Variants in CADPS observed in about 807,000 individuals in gnomAD.
CADPS encodes calcium-dependent secretion activator 1.
A neutral mutation model predicts 167.3 loss-of-function variants in CADPS; 57 were observed. The ratio of observed to expected loss-of-function variants is 0.34; its 90% confidence interval spans 0.28 to 0.42. The LOEUF (loss-of-function observed/expected upper bound fraction) is 0.42, where lower values mean the gene tolerates loss of function less well. Among genes scored for constraint, CADPS ranks in the 20% least tolerant of loss-of-function variants. The pLI is 1.00. For synonymous variants in CADPS, 676 were observed against 635.3 expected (o/e 1.06, Z -0.96); for missense variants, 1,414 against 1,738.1 (o/e 0.81, Z 3.32).
chr3:62,494,690 G>A (rs1467102035), intron 18 of CADPS, among the ~76,000 whole-genome samples: 9 of 20,040 alleles, frequency 4.5e-4, no homozygotes, highest in East Asian at 2.2e-3. Context: ...TTTTTTGGAC[G>A]GAGTTTTGCT....
At chr3:62,664,396 C>T (rs556305705) in intron 3 of CADPS, among the ~76,000 whole-genome samples, 17 of 152,286 alleles carry the variant, frequency 1.1e-4, no homozygotes, top group Admixed American at 3.3e-4. Context: ...TCTAAACAAA[C>T]GTAAAGCACA....
chr3:62,432,006 T>G (rs996233357), intron 28 of CADPS, among the ~76,000 whole-genome samples: 5 of 152,054 alleles, frequency 3.3e-5, no homozygotes, highest in Admixed American at 3.3e-4. Flanking sequence ...ATACTGCATC[T>G]TAATAGTAAA....
chr3:62,770,879 T>G (rs1347282287), intron 1 of CADPS, among the ~76,000 whole-genome samples: 3 of 152,204 alleles, frequency 2.0e-5, no homozygotes, highest in Non-Finnish European at 4.4e-5. Flanking sequence ...TTATCACAGA[T>G]GAGTGTTGCC....
chr3:62,400,613 T>A (rs1575533868), intron 29 of CADPS, among the ~76,000 whole-genome samples: 1 of 150,648 alleles, frequency 6.6e-6, no homozygotes, highest in East Asian at 1.9e-4. Context: ...TTTTTTTTTT[T>A]TTTCAAGATG....
chr3:62,516,206 T>C (rs1307113534), intron 15 of CADPS, 24 bp from the exon 16 acceptor site: 2 of 1,612,352 alleles, frequency 1.2e-6, no homozygotes, highest in Non-Finnish European at 1.7e-6. Flanking sequence ...AAAGAGGGAT[T>C]ATTAAGAAGG....
At chr3:62,761,558 T>A (rs531888761) in intron 2 of CADPS, among the ~76,000 whole-genome samples, 68 of 151,974 alleles carry the variant, frequency 4.5e-4, no homozygotes, top group Non-Finnish European at 9.0e-4. Flanking sequence ...ACCCCCATGT[T>A]CACTTCCAGG....
chr3:62,844,765 A>G (rs2077148026), intron 1 of CADPS, among the ~76,000 whole-genome samples: 1 of 152,202 alleles, frequency 6.6e-6, no homozygotes, highest in Admixed American at 6.5e-5. Context: ...GAAAGCAGTC[A>G]CTACTTTTTT....
chr3:62,683,978 C>T (rs1484305518), intron 3 of CADPS, among the ~76,000 whole-genome samples: 5 of 152,002 alleles, frequency 3.3e-5, no homozygotes, highest in Admixed American at 2.6e-4. Flanking sequence ...CTGGCTAAGG[C>T]AAAGGTTTCC....
At chr3:62,776,269 C>T (rs2090268433) in intron 1 of CADPS, among the ~76,000 whole-genome samples, 1 of 152,146 alleles carries the variant, frequency 6.6e-6, no homozygotes, top group South Asian at 2.1e-4. Context: ...AGTACAGGGG[C>T]TTGCATGCCA....
intron 4 of CADPS, among the ~76,000 whole-genome samples, chr3:62,654,701 A>G (rs2071091646): frequency 6.6e-6 from 1 of 152,150 alleles, no homozygotes; most frequent in Admixed American, 6.6e-5. Context: ...GAAACTCATT[A>G]CACTGACCTG....
intron 26 of CADPS, among the ~76,000 whole-genome samples, chr3:62,460,419 C>T (rs1043126268): frequency 9.9e-5 from 15 of 152,216 alleles, no homozygotes; most frequent in Non-Finnish European, 2.1e-4. Context: ...CCTCTGTCTG[C>T]ATCACTCATC....
At chr3:62,414,825 C>A (rs1033626120) in intron 28 of CADPS, among the ~76,000 whole-genome samples, 1 of 152,216 alleles carries the variant, frequency 6.6e-6, no homozygotes, top group South Asian at 2.1e-4. Flanking sequence ...CCAGGGAGGA[C>A]GGGAAGGCCT....
intron 28 of CADPS, among the ~76,000 whole-genome samples, chr3:62,409,623 C>T (rs1164790523): frequency 6.6e-6 from 1 of 152,176 alleles, no homozygotes; most frequent in Non-Finnish European, 1.5e-5. Context: ...TTCTTGTCCC[C>T]TATCATCCTA....
At chr3:62,755,626 C>T (rs976940455) in intron 2 of CADPS, among the ~76,000 whole-genome samples, 8 of 151,992 alleles carry the variant, frequency 5.3e-5, no homozygotes, top group East Asian at 3.9e-4. Context: ...AAAAAGGCTC[C>T]GGTTTATTGT....
intron 1 of CADPS, among the ~76,000 whole-genome samples, chr3:62,807,854 C>G (rs1392867711): frequency 6.6e-6 from 1 of 150,716 alleles, no homozygotes; most frequent in Non-Finnish European, 1.5e-5. Flanking sequence ...GTACTACCAA[C>G]TTGGTATTTC....
intron 8 of CADPS, among the ~76,000 whole-genome samples, chr3:62,574,783 G>A (rs2081966918): frequency 6.6e-6 from 1 of 152,198 alleles, no homozygotes; most frequent in Admixed American, 6.5e-5. Flanking sequence ...TCACAGGGCT[G>A]TTGTGAGGAT....
At chr3:62,799,021 T>C (rs1001486840) in intron 1 of CADPS, among the ~76,000 whole-genome samples, 1 of 152,170 alleles carries the variant, frequency 6.6e-6, no homozygotes, top group Non-Finnish European at 1.5e-5. Flanking sequence ...ATAGAGCTGC[T>C]TGTCCAAGCT....
At chr3:62,507,165 A>T (rs1373144812) in intron 17 of CADPS, among the ~76,000 whole-genome samples, 1 of 152,080 alleles carries the variant, frequency 6.6e-6, no homozygotes, top group African/African-American at 2.4e-5. Context: ...GGGAGCTTGG[A>T]GCATCTGGAG....
At chr3:62,864,746 T>G (rs1304438174) in intron 1 of CADPS, among the ~76,000 whole-genome samples, 5 of 152,058 alleles carry the variant, frequency 3.3e-5, no homozygotes, top group African/African-American at 1.2e-4. Flanking sequence ...GGTTAGGAAT[T>G]TGACATATAA....
Sources: allele counts gnomAD v4.1 joint callset (sites outside exome capture counted in the v4.1 genomes callset), GRCh38; gene constraint gnomAD v4.1.1; transcripts MANE v1.5; gene names NCBI Gene and HGNC (gene_info 2026-07-23, HGNC 2026-07-21).